UVRAG: variants seen among roughly 807,000 people sequenced by gnomAD.
UVRAG encodes UV radiation resistance associated.
A neutral mutation model predicts 78.0 loss-of-function variants in UVRAG; 19 were observed. The observed-to-expected ratio is 0.24, with a 90% CI of 0.17 to 0.36. The LOEUF is 0.36. Ranked by LOEUF, UVRAG falls within the 10% of genes least tolerant of loss-of-function variation. UVRAG has a pLI of 1.00. For missense variants in UVRAG, 740 were observed against 853.8 expected, an observed-to-expected ratio of 0.87 and a Z score of 1.66; for synonymous variants, 323 against 324.6, an observed-to-expected ratio of 1.00 and a Z score of 0.05.
intron 14 of UVRAG, among the ~76,000 whole-genome samples, chr11:76,133,831 C>T (rs1952553203): frequency 2.0e-5 from 3 of 151,508 alleles, no homozygotes; most frequent in Admixed American, 2.0e-4. Flanking sequence ...TTCCCCACCT[C>T]ATGTCCCCAA....
At chr11:75,911,316 C>T in intron 5 of UVRAG, 1 of 169,836 alleles carries the variant, frequency 5.9e-6, no homozygotes. Flanking sequence ...GGCTCTTGTG[C>T]TAGCCCAAAG....
intron 7 of UVRAG, among the ~76,000 whole-genome samples, chr11:75,965,298 G>T (rs2135216966): frequency 6.8e-6 from 1 of 147,814 alleles, no homozygotes; most frequent in East Asian, 1.9e-4. Flanking sequence ...AGAGATTTTG[G>T]ACATCTTTTA....
chr11:76,089,257 A>G lies in UVRAG; in HGVS notation c.1305+23469A>G, dbSNP rs906568790. On this transcript the variant is annotated intron_variant, in intron 13 of 14. Coordinates refer to ENST00000356136, the MANE Select transcript of UVRAG (RefSeq NM_003369.4). ...AGTAAGCGAACATTTTCCCCAAAAT[A>G]TATGCCTGTGGTAATAAGTTGTTAT... Among the ~76,000 whole-genome samples the G allele has an allele frequency of 2.0e-5, 3 of 152,196 alleles. No individual in the cohort carries two copies. The East Asian group carries it at 5.8e-4, about 29-fold the overall frequency.
At chr11:75,986,355 T>C (rs1362225047) in intron 8 of UVRAG, among the ~76,000 whole-genome samples, 1 of 152,178 alleles carries the variant, frequency 6.6e-6, no homozygotes, top group Non-Finnish European at 1.5e-5. Context: ...TTCTGGTATA[T>C]AGATGTACAA....
chr11:75,977,343 C>G (rs972164763), intron 7 of UVRAG, among the ~76,000 whole-genome samples: 1 of 152,152 alleles, frequency 6.6e-6, no homozygotes, highest in Admixed American at 6.5e-5. Flanking sequence ...GGTGTATATT[C>G]TGTTGATTTG....
intron 4 of UVRAG, among the ~76,000 whole-genome samples, chr11:75,884,054 C>T (rs745614631): frequency 1.3e-5 from 2 of 152,164 alleles, no homozygotes; most frequent in Non-Finnish European, 2.9e-5. Context: ...TTCCCATCAG[C>T]AATGTATAAT....
chr11:75,983,334 T>G, intron 7 of UVRAG, 53 bp from the exon 8 acceptor site: 1 of 1,443,900 alleles, frequency 6.9e-7, no homozygotes. Context: ...ATGTAATTAT[T>G]CATAGTCATG....
chr11:76,078,889 A>G (rs1376360285), intron 13 of UVRAG, among the ~76,000 whole-genome samples: 5 of 152,098 alleles, frequency 3.3e-5, no homozygotes, highest in African/African-American at 1.2e-4. Flanking sequence ...AGATCGCACC[A>G]CTGCACTCCA....
chr11:75,929,754 C>T (rs930695962), intron 6 of UVRAG, among the ~76,000 whole-genome samples: 16 of 152,100 alleles, frequency 1.1e-4, no homozygotes, highest in African/African-American at 3.9e-4. Context: ...TTAGCTTGTT[C>T]CCTGTCATGG....
chr11:75,859,196 G>A (rs895359788), intron 2 of UVRAG, among the ~76,000 whole-genome samples: 8 of 152,206 alleles, frequency 5.3e-5, no homozygotes, highest in African/African-American at 1.4e-4. Context: ...CCAACATGGC[G>A]AAACCTCTTC....
At chr11:75,926,013 T>C (rs1163198636) in intron 6 of UVRAG, among the ~76,000 whole-genome samples, 1 of 152,108 alleles carries the variant, frequency 6.6e-6, no homozygotes, top group African/African-American at 2.4e-5. Context: ...GACTTCCTTA[T>C]AGCACCCTTA....
chr11:75,887,826 C>T (rs1451516418), intron 4 of UVRAG, among the ~76,000 whole-genome samples: 2 of 152,072 alleles, frequency 1.3e-5, no homozygotes, highest in Non-Finnish European at 2.9e-5. Flanking sequence ...TCAAGTGATC[C>T]GCCCGCTTCG....
chr11:76,131,808 C>T (rs1952517793), intron 14 of UVRAG, among the ~76,000 whole-genome samples: 1 of 152,120 alleles, frequency 6.6e-6, no homozygotes, highest in Non-Finnish European at 1.5e-5. Context: ...AACTATTAAC[C>T]CCCAGCTACC....
intron 12 of UVRAG, among the ~76,000 whole-genome samples, chr11:76,058,227 C>T (rs969960062): frequency 2.0e-5 from 3 of 152,130 alleles, no homozygotes; most frequent in East Asian, 3.9e-4. Flanking sequence ...CATTGAAAAA[C>T]GTCTTTTAAA....
At chr11:76,126,558 A>AG (rs1455350930) in intron 14 of UVRAG, among the ~76,000 whole-genome samples, 1 of 152,176 alleles carries the variant, frequency 6.6e-6, no homozygotes, top group Non-Finnish European at 1.5e-5. Context: ...GTATTTTATC[A>AG]GTGCCCTTTA....
intron 1 of UVRAG, among the ~76,000 whole-genome samples, chr11:75,837,386 AGTATGC>A (rs1018785450): frequency 1.3e-5 from 2 of 151,862 alleles, no homozygotes; most frequent in Non-Finnish European, 2.9e-5. Context: ...AAAATGGCAT[AGTATGC>A]ATATAACCCA....
chr11:75,827,046 G>T (rs1320420280), intron 1 of UVRAG, among the ~76,000 whole-genome samples: 1 of 151,590 alleles, frequency 6.6e-6, no homozygotes, highest in Admixed American at 6.6e-5. Flanking sequence ...AGACATTTTT[G>T]AAAATAATGA....
intron 12 of UVRAG, among the ~76,000 whole-genome samples, chr11:76,032,114 A>G (rs759213304): frequency 5.9e-5 from 9 of 152,210 alleles, no homozygotes; most frequent in Non-Finnish European, 1.2e-4. Flanking sequence ...CCTGACAAAA[A>G]TGAATGGAAG....
At chr11:75,911,194 C>CT (rs1947728987) in intron 5 of UVRAG, 1 of 156,910 alleles carries the variant, frequency 6.4e-6, no homozygotes, top group Non-Finnish European at 1.4e-5. Flanking sequence ...ATACCTCCTT[C>CT]TCTCAAACCG....
Sources: allele counts gnomAD v4.1 joint callset (sites outside exome capture counted in the v4.1 genomes callset), GRCh38; gene constraint gnomAD v4.1.1; transcripts MANE v1.5; gene names NCBI Gene and HGNC (gene_info 2026-07-23, HGNC 2026-07-21).